Variants in CTNNA2 observed in about 807,000 individuals in gnomAD.
The protein encoded by CTNNA2 is catenin alpha-2.
In CTNNA2, 42 loss-of-function variants were observed where a neutral mutation model predicts 101.0. That is an observed-to-expected ratio of 0.42 (90% confidence interval 0.32 to 0.54). The LOEUF (loss-of-function observed/expected upper bound fraction) is 0.54. Ranked by LOEUF, CTNNA2 falls within the 20% of genes least tolerant of loss-of-function variation. CTNNA2 has a pLI of 0.14. For synonymous variants in CTNNA2, 450 were observed against 456.4 expected, an observed-to-expected ratio of 0.99 and a Z score of 0.18; for missense variants, 871 against 1,223.1, an observed-to-expected ratio of 0.71 and a Z score of 4.29.
chr2:79,570,600 C>G (rs1442625877), intron 1 of CTNNA2, among the ~76,000 whole-genome samples: 1 of 151,886 alleles, frequency 6.6e-6, no homozygotes, highest in East Asian at 1.9e-4. Flanking sequence ...ATTCAGAACA[C>G]TTTTATAAAG....
intron 2 of CTNNA2, among the ~76,000 whole-genome samples, chr2:79,739,417 A>G (rs536241502): frequency 2.0e-4 from 30 of 152,136 alleles, no homozygotes; most frequent in Non-Finnish European, 3.7e-4. Flanking sequence ...GGATTTCTCT[A>G]CTTGTCCTCA....
At chr2:79,802,323 A>C (rs1676229014) in intron 3 of CTNNA2, among the ~76,000 whole-genome samples, 1 of 152,236 alleles carries the variant, frequency 6.6e-6, no homozygotes, top group Admixed American at 6.5e-5. Context: ...CCTACAGAGC[A>C]TTTCTTTCCA....
chr2:80,299,952 T>C (rs1240190759), intron 7 of CTNNA2, among the ~76,000 whole-genome samples: 1 of 152,176 alleles, frequency 6.6e-6, no homozygotes, highest in Admixed American at 6.5e-5. Context: ...CCTCCTTCAG[T>C]TGCTACATTT....
chr2:80,215,681 T>A (rs1708219930), intron 7 of CTNNA2, among the ~76,000 whole-genome samples: 1 of 151,846 alleles, frequency 6.6e-6, no homozygotes, highest in South Asian at 2.1e-4. Context: ...TACTGGGAGG[T>A]GTCTTGCAAT....
intron 4 of CTNNA2, among the ~76,000 whole-genome samples, chr2:79,444,532 C>T (rs1345460845): frequency 6.6e-6 from 1 of 152,056 alleles, no homozygotes; most frequent in African/African-American, 2.4e-5. Context: ...CCAGTGGATA[C>T]TCTGTAGCTA....
In CTNNA2 at chr2:79,497,773, G is replaced by A. The variant is rs1357174665; in HGVS notation, c.-134-7281G>A. 1.3e-5 allele frequency among the ~76,000 whole-genome samples: 2 copies of A among 152,108 alleles called. 1 individual carries two copies. The highest frequency in any genetic ancestry group is 4.1e-4 in the South Asian group (2 of 4,828). ...TCTCCTTTTGTTTCGTCTAAGCAAT[G>A]TCTCTTTTAGGAATTATGTTCCTAT... On this transcript the variant is annotated intron_variant, in intron 4 of 21. Transcript: ENST00000466387.
chr2:80,166,137 A>G (rs760387840), intron 7 of CTNNA2, among the ~76,000 whole-genome samples: 37 of 152,124 alleles, frequency 2.4e-4, no homozygotes, highest in Non-Finnish European at 4.4e-4. Context: ...AAACCTTTGA[A>G]ATTTTCTGAG....
At chr2:79,668,094 G>C (rs550156977) in intron 2 of CTNNA2, among the ~76,000 whole-genome samples, 45 of 150,866 alleles carry the variant, frequency 3.0e-4, no homozygotes, top group Non-Finnish European at 5.9e-4. Flanking sequence ...CAAAAAATTA[G>C]CCGGGCGCGG....
intron 4 of CTNNA2, among the ~76,000 whole-genome samples, chr2:79,413,878 T>C (rs1178909486): frequency 6.6e-6 from 1 of 151,078 alleles, no homozygotes; most frequent in Non-Finnish European, 1.5e-5. Flanking sequence ...GAGAAATCTC[T>C]ATTGAAGTTC....
At chr2:80,389,042 T>G (rs1356358156) in intron 7 of CTNNA2, among the ~76,000 whole-genome samples, 1 of 152,214 alleles carries the variant, frequency 6.6e-6, no homozygotes, top group Non-Finnish European at 1.5e-5. Context: ...GGGAGAGAAC[T>G]TTTTCTTTAG....
At chr2:80,102,406 A>G (rs987738042) in intron 7 of CTNNA2, among the ~76,000 whole-genome samples, 5 of 152,138 alleles carry the variant, frequency 3.3e-5, no homozygotes, top group African/African-American at 1.2e-4. Context: ...CTTCACCCCT[A>G]CAGGTCCCTG....
intron 17 of CTNNA2, among the ~76,000 whole-genome samples, chr2:80,618,503 G>T (rs1313403663): frequency 6.6e-6 from 1 of 151,926 alleles, no homozygotes; most frequent in Admixed American, 6.6e-5. Context: ...TCCACCCTTG[G>T]GTTAAAAGGA....
chr2:79,328,156 A>G (rs923150950), intron 3 of CTNNA2, among the ~76,000 whole-genome samples: 3 of 152,178 alleles, frequency 2.0e-5, no homozygotes, highest in Non-Finnish European at 4.4e-5. Context: ...AAGATCCCTC[A>G]TTGTTCAGAA....
chr2:79,832,517 T>C (rs751092761), intron 3 of CTNNA2, among the ~76,000 whole-genome samples: 26 of 152,218 alleles, frequency 1.7e-4, no homozygotes, highest in Non-Finnish European at 2.9e-4. Context: ...GTTTTTTGTC[T>C]TTCCTAGCCT....
intron 7 of CTNNA2, among the ~76,000 whole-genome samples, chr2:79,945,323 G>T (rs1688423441): frequency 6.6e-6 from 1 of 152,134 alleles, no homozygotes. Flanking sequence ...TAACAGGAGT[G>T]AGCCACTGTG....
intron 3 of CTNNA2, among the ~76,000 whole-genome samples, chr2:79,369,264 C>T (rs1484085071): frequency 6.6e-6 from 1 of 152,136 alleles, no homozygotes; most frequent in African/African-American, 2.4e-5. Flanking sequence ...CTGGGGAGAA[C>T]AATTCCAGCC....
intron 3 of CTNNA2, among the ~76,000 whole-genome samples, chr2:79,838,194 C>T (rs1410061054): frequency 6.6e-6 from 1 of 152,048 alleles, no homozygotes; most frequent in African/African-American, 2.4e-5. Context: ...TTTAGTCTTT[C>T]ATTGAGGATT....
chr2:80,260,377 T>C (rs568099036), intron 7 of CTNNA2, among the ~76,000 whole-genome samples: 6 of 152,208 alleles, frequency 3.9e-5, no homozygotes, highest in Non-Finnish European at 8.8e-5. Flanking sequence ...TGAAGGACAT[T>C]AATATCCAAA....
rs190829171 is a variant in CTNNA2, at chr2:79,263,090, G to A, written c.-405-49619G>A. On this transcript the variant is annotated intron_variant, in intron 2 of 21. Transcript: ENST00000466387. ...AAGGAAAATTTTGAACAATGAAAGA[G>A]CAAGAATGTGTGAAAAACAGGATAC... 2.0e-5 allele frequency among the ~76,000 whole-genome samples: 3 copies of A among 152,302 alleles called. No individual in the cohort carries two copies. In the East Asian group the frequency reaches 5.8e-4, roughly 29 times the overall value.
Sources: gnomAD v4.1 joint callset for allele counts (sites outside exome capture counted in the v4.1 genomes callset) on GRCh38, gnomAD v4.1.1 for gene constraint, MANE v1.5 for transcripts, NCBI Gene and HGNC (gene_info 2026-07-23, HGNC 2026-07-21) for gene names.